The following SMARCB1 variants were observed in gnomAD, a reference collection of about 807,000 sequenced individuals.
SMARCB1 encodes SWI/SNF-related matrix-associated actin-dependent regulator of chromatin subfamily B member 1.
In SMARCB1, 5 loss-of-function variants were observed where a neutral mutation model predicts 49.0. The ratio of observed to expected loss-of-function variants is 0.10; its 90% CI spans 0.05 to 0.21. The LOEUF (loss-of-function observed/expected upper bound fraction) is 0.21, where lower values mean the gene tolerates loss of function less well. SMARCB1 is among the 10% of genes least tolerant of loss of function. The pLI is 1.00. For synonymous variants in SMARCB1, 201 were observed against 200.1 expected, an observed-to-expected ratio of 1.00 and a Z score of -0.04; for missense variants, 226 against 509.2, an observed-to-expected ratio of 0.44 and a Z score of 5.35.
At position 23,835,094 on chromosome 22, in the gene SMARCB1, C is replaced by T. The variant is rs1191170582; in HGVS notation, c.*914C>T. 5.7e-6 allele frequency: 8 copies of T among 1,396,588 alleles called. No homozygotes were observed. Among genetic ancestry groups the T allele is most frequent in the Middle Eastern group, 2.6e-4 (1 of 3,792 alleles). The allele number at this position is 1,396,588 out of a possible 1,614,324, so 86.5% of individuals were successfully genotyped here. On this transcript the variant is annotated 3_prime_UTR_variant, in exon 9 of 9. Transcript: ENST00000644036. ...GGCCAGCTCCTGCCTTACAAGCCAG[C>T]TGTGAGGAATATGGGAATAGCCCTC... is the stretch of plus-strand genomic sequence containing the variant.
chr22:23,801,491 C>A, intron 4 of SMARCB1: 2 of 438,614 alleles, frequency 4.6e-6, no homozygotes, highest in Non-Finnish European at 8.8e-6. Context: ...TCGAGCAGAG[C>A]ACATTTCTTC....
intron 6 of SMARCB1, among the ~76,000 whole-genome samples, chr22:23,819,314 TTTCATTTA>T (rs2029949215): frequency 6.7e-6 from 1 of 150,284 alleles, no homozygotes; most frequent in South Asian, 2.2e-4. Flanking sequence ...GTGTCCCTGT[TTTCATTTA>T]TTCATTCATT....
At position 23,836,917 on chromosome 22, in the gene SMARCB1, G is replaced by T; in HGVS notation, c.*2737G>T. On this transcript the variant is annotated 3_prime_UTR_variant, in exon 9 of 9. Coordinates refer to ENST00000644036, the MANE Select transcript of SMARCB1 (RefSeq NM_003073.5). ...GGGGTCCTGGCTGTTCCTCAGGGAG[G>T]GGCAGGTAATTGGGGTCTTCTGCAG... The T allele has an allele frequency of 6.5e-7, 1 of 1,536,668 alleles. No homozygotes were observed. The highest frequency in any genetic ancestry group is 8.7e-7 in the Non-Finnish European group (1 of 1,143,456).
intron 5 of SMARCB1, chr22:23,816,367 C>A (rs1930197143): frequency 5.6e-6 from 2 of 354,470 alleles, no homozygotes; most frequent in Middle Eastern, 9.2e-4. Flanking sequence ...TGGTATTGGG[C>A]CAGCCTCTGT....
chr22:23,829,814 G>A (rs574147121), intron 7 of SMARCB1, among the ~76,000 whole-genome samples: 8 of 152,090 alleles, frequency 5.3e-5, no homozygotes, highest in Non-Finnish European at 1.0e-4. Flanking sequence ...AGGCAGTCCC[G>A]TTCCTCCCCG....
At chr22:23,831,022 G>A (rs2030629925) in intron 7 of SMARCB1, among the ~76,000 whole-genome samples, 2 of 152,220 alleles carry the variant, frequency 1.3e-5, no homozygotes, top group South Asian at 4.2e-4. Flanking sequence ...AGAATCCATT[G>A]TCAATCCAGA....
chr22:23,810,819 C>G (rs1202836475), intron 5 of SMARCB1, among the ~76,000 whole-genome samples: 1 of 152,024 alleles, frequency 6.6e-6, no homozygotes, highest in African/African-American at 2.4e-5. Context: ...CACCTGAGGT[C>G]AGGAGTTCAA....
Position 23,834,701 on chromosome 22 carries a change from C to T in SMARCB1, c.*521C>T. 7.5e-7 allele frequency: 1 copy of T among 1,333,872 alleles called. No homozygotes were observed. Among genetic ancestry groups the T allele is most frequent in the Non-Finnish European group, 1.0e-6 (1 of 993,664 alleles). 82.6% of individuals were successfully genotyped at this position (1,333,872 alleles called of 1,614,324 possible). ...GGGGCTCCGGGTAGCACCTCAGCTC[C>T]TCTCAGCTCCCCTCAGCCTGTTCTC... On this transcript the variant is annotated 3_prime_UTR_variant, in exon 9 of 9. Coordinates refer to ENST00000644036, the MANE Select transcript of SMARCB1 (RefSeq NM_003073.5).
Position 23,809,465 on chromosome 22 carries a change from G to C in SMARCB1, c.628+6043G>C, listed in dbSNP as rs1438345444. On this transcript the variant is annotated intron_variant, in intron 5 of 8. Coordinates refer to ENST00000644036, the MANE Select transcript of SMARCB1 (RefSeq NM_003073.5). ...TTAATTTTTGTATTTTTAGTAGAGA[G>C]GGGTTTCTCCATGTTGGTCAGGCTG... Among the ~76,000 whole-genome samples, 3 of 151,544 alleles carry C rather than the reference G, an allele frequency of 2.0e-5. No homozygotes were observed. The South Asian group carries it at 6.2e-4, about 32-fold the overall frequency.
intron 7 of SMARCB1, among the ~76,000 whole-genome samples, chr22:23,829,445 A>C (rs1392661529): frequency 6.6e-6 from 1 of 152,190 alleles, no homozygotes; most frequent in Admixed American, 6.5e-5. Context: ...CAGCAGTCCT[A>C]CACGTACAGG....
chr22:23,817,089 A>T lies in SMARCB1; in HGVS notation c.795+153A>T, dbSNP rs2073393. 1.6e-4 allele frequency: 107 copies of T among 671,534 alleles called. No individual in the cohort carries two copies. The East Asian group carries it at 2.6e-3, about 17-fold the overall frequency. 41.6% of individuals were successfully genotyped at this position (671,534 alleles called of 1,614,324 possible). On this transcript the variant is annotated intron_variant, in intron 6 of 8. Transcript: ENST00000644036. The stretch of plus-strand genomic sequence containing the variant: ...ATAACACCTGGCTTTGCTCCCTGCA[A>T]TCCCCCAGGAAGGGCATAGGCTGAG...
rs2030942153 is a variant in SMARCB1 at position 23,835,154 on chromosome 22, A to G, written c.*974A>G. 2.3e-6 allele frequency: 3 copies of G among 1,326,228 alleles called. No homozygotes were observed. The highest frequency in any genetic ancestry group is 1.5e-5 in the African/African-American group (1 of 66,074). The allele number at this position is 1,326,228 out of a possible 1,614,324, so 82.2% of individuals were successfully genotyped here. On this transcript the variant is annotated 3_prime_UTR_variant, in exon 9 of 9. Transcript: ENST00000644036. ...TGCCAGCTCTTGGAGTTGACACGGTACAGGGAGGAGACACAGCCCAGGGTC... is the reference window on the plus strand; with the variant it reads ...TGCCAGCTCTTGGAGTTGACACGGTGCAGGGAGGAGACACAGCCCAGGGTC...
At position 23,787,115 on chromosome 22, in the gene SMARCB1, C is replaced by T. The variant is rs1437966852; in HGVS notation, c.-55C>T. 2 of 1,157,148 alleles carry T rather than the reference C, an allele frequency of 1.7e-6. No individual in the cohort carries two copies. Among genetic ancestry groups the T allele is most frequent in the Non-Finnish European group, 2.6e-6 (2 of 769,788 alleles). 71.7% of individuals were successfully genotyped at this position (1,157,148 alleles called of 1,614,324 possible). On this transcript the variant is annotated 5_prime_UTR_variant, in exon 1 of 9. Transcript: ENST00000644036. ...CGGCCCAGCACGCCCCGGCCCCGCC[C>T]CAGCCCTCCTGATCCCTCGCAGCCC...
At chr22:23,809,400 CTGAGTAG>C (rs1410085332) in intron 5 of SMARCB1, among the ~76,000 whole-genome samples, 1 of 151,754 alleles carries the variant, frequency 6.6e-6, no homozygotes, top group Non-Finnish European at 1.5e-5. Context: ...CCTCAGTCTC[CTGAGTAG>C]CTGGGATTAC....
intron 7 of SMARCB1, among the ~76,000 whole-genome samples, chr22:23,826,790 T>C (rs1308783278): frequency 2.0e-5 from 3 of 152,200 alleles, no homozygotes; most frequent in African/African-American, 7.2e-5. Flanking sequence ...GAAGAAGGAA[T>C]GAGAGCCACC....
chr22:23,830,866 G>A (rs540074934), intron 7 of SMARCB1, among the ~76,000 whole-genome samples: 1 of 151,980 alleles, frequency 6.6e-6, no homozygotes, highest in South Asian at 2.1e-4. Context: ...TCACCATGTT[G>A]GCCAGGATGG....
chr22:23,837,954 G>A lies in SMARCB1; in HGVS notation c.*3774G>A. On this transcript the variant is annotated 3_prime_UTR_variant, in exon 9 of 9. Transcript: ENST00000644036. ...GAATTCTTCCCCTCATCTCCCCTAT[G>A]TGCTATTCCCTCATCAAGATGAGCC... 7.6e-7 allele frequency: 1 copy of A among 1,311,302 alleles called. No homozygotes were observed. The highest frequency in any genetic ancestry group is 2.5e-5 in the East Asian group (1 of 39,832). The allele number at this position is 1,311,302 out of a possible 1,614,324, so 81.2% of individuals were successfully genotyped here. A position where few individuals can be genotyped will look rare whatever the true frequency, so the allele number is the denominator to read the frequency against.
In SMARCB1 at chr22:23,793,936, T is replaced by C. The variant is rs35471244; in HGVS notation, c.362+248T>C. On this transcript the variant is annotated intron_variant, in intron 3 of 8. Coordinates refer to ENST00000644036, the MANE Select transcript of SMARCB1 (RefSeq NM_003073.5). ...AGCTGGGATTACAGGTGCCTGCCAC[T>C]ATACCTGGCTAGTTTTTTTTTCTTT... Among the ~76,000 whole-genome samples, 2,804 of 152,120 alleles carry C rather than the reference T, an allele frequency of 0.018. 60 individuals carry two copies. Among genetic ancestry groups the C allele is most frequent in the South Asian group, 0.11 (517 of 4,818 alleles).
At chr22:23,793,782 T>C in intron 3 of SMARCB1, 94 bp downstream of exon 3, 62 of 587,894 alleles carry the variant, frequency 1.1e-4, no homozygotes, top group Middle Eastern at 3.5e-4. Flanking sequence ...ATTGAAACAC[T>C]TTTTTTTTTT....
Sources: gnomAD v4.1 joint callset for allele counts (sites outside exome capture counted in the v4.1 genomes callset) on GRCh38, gnomAD v4.1.1 for gene constraint, MANE v1.5 for transcripts, NCBI Gene and HGNC (gene_info 2026-07-23, HGNC 2026-07-21) for gene names.